The following PRKDC variants were observed in gnomAD, a reference collection of about 807,000 sequenced individuals.
PRKDC encodes protein kinase, DNA-activated, catalytic subunit.
A neutral mutation model predicts 486.9 loss-of-function variants in PRKDC; 82 were observed. That is an observed-to-expected ratio of 0.17 (90% CI 0.14 to 0.20). The LOEUF is 0.20. PRKDC is among the 10% of genes least tolerant of loss of function. PRKDC has a pLI of 1.00. For synonymous variants in PRKDC, 1,895 were observed against 1,837.0 expected (o/e 1.03, Z -0.81); for missense variants, 4,504 against 5,038.2 (o/e 0.89, Z 3.21).
At chr8:47,940,613 C>T (rs1256668134) in intron 10 of PRKDC, among the ~76,000 whole-genome samples, 1 of 152,130 alleles carries the variant, frequency 6.6e-6, no homozygotes, top group Admixed American at 6.5e-5. Context: ...AAATGTTTCT[C>T]AAGAAGTAAA....
At chr8:47,796,756 C>T (rs188777645) in intron 73 of PRKDC, among the ~76,000 whole-genome samples, 67 of 149,640 alleles carry the variant, frequency 4.5e-4, no homozygotes, top group African/African-American at 1.3e-3. Flanking sequence ...CTCGCCACCA[C>T]GCCCGGCTAA....
intron 69 of PRKDC, among the ~76,000 whole-genome samples, chr8:47,804,357 T>C (rs551173627): frequency 1.9e-4 from 29 of 149,724 alleles, no homozygotes; most frequent in African/African-American, 6.4e-4. Context: ...TGGAGTGCAA[T>C]GGCACAATCT....
At chr8:47,899,511 C>T (rs2089641334) in intron 28 of PRKDC, among the ~76,000 whole-genome samples, 1 of 152,082 alleles carries the variant, frequency 6.6e-6, no homozygotes, top group Non-Finnish European at 1.5e-5. Context: ...GGCGTGGTGG[C>T]AGGTCCCTGT....
At chr8:47,913,524 G>C (rs977633980) in intron 24 of PRKDC, among the ~76,000 whole-genome samples, 3 of 151,972 alleles carry the variant, frequency 2.0e-5, no homozygotes, top group African/African-American at 7.3e-5. Context: ...AGCCTACCGA[G>C]TAGCTGAGAC....
chr8:47,779,875 A>ACTGCGC, intron 80 of PRKDC, among the ~76,000 whole-genome samples: 1 of 144,694 alleles, frequency 6.9e-6, no homozygotes, highest in Non-Finnish European at 1.5e-5. Flanking sequence ...GGTGTGAGCC[A>ACTGCGC]CCACGCCTGG....
chr8:47,784,900 A>G (rs567127094), intron 77 of PRKDC, among the ~76,000 whole-genome samples: 2 of 152,358 alleles, frequency 1.3e-5, no homozygotes, highest in Admixed American at 6.5e-5. Context: ...AATCAGAAAT[A>G]TAAGAACTAT....
At chr8:47,794,604 CG>C (rs775337268) in intron 73 of PRKDC, 103 bp from the exon 74 acceptor site, 20 of 1,056,768 alleles carry the variant, frequency 1.9e-5, no homozygotes, top group Non-Finnish European at 2.5e-5. Flanking sequence ...AGTATAAAAA[CG>C]CAAGTACAAA....
intron 73 of PRKDC, among the ~76,000 whole-genome samples, chr8:47,795,223 A>G (rs1358117625): frequency 1.8e-5 from 2 of 113,110 alleles, no homozygotes; most frequent in Non-Finnish European, 3.5e-5. Flanking sequence ...ACAGAGTCTC[A>G]TTGTCACCCA....
chr8:47,886,006 A>G lies in PRKDC; in HGVS notation c.4714T>C (p.Leu1572=), dbSNP rs2089320045. Residue 1572 remains leucine (L), a synonymous_variant, in exon 36 of 86, where the codon TTG becomes CTG. Coordinates refer to ENST00000314191, the MANE Select transcript of PRKDC (RefSeq NM_006904.7). ...LFSETINTEL[L]KNLDLAVLEL... ...AATACAGCAAGATCCAGATTTTTCA[A>G]TAATTCCGTGTTGATCGTTTCTGAG... 1.2e-6 allele frequency: 2 copies of G among 1,613,824 alleles called. No individual in the cohort carries two copies. The highest frequency in any genetic ancestry group is 1.7e-5 in the Admixed American group (1 of 60,008).
In PRKDC at chr8:47,888,734, T is replaced by C. The variant is rs1328551264; in HGVS notation, c.4281-84A>G. 3 of 1,452,032 alleles carry C rather than the reference T, an allele frequency of 2.1e-6. No individual in the cohort carries two copies. The African/African-American group carries it at 4.3e-5, about 21-fold the overall frequency. The allele number at this position is 1,452,032 out of a possible 1,614,324, so 89.9% of individuals were successfully genotyped here. On this transcript the variant is annotated intron_variant, in intron 33 of 85. Transcript: ENST00000314191. ...TACACTGAAAAAAATGTTTGCACTG[T>C]TATGAAGCAAACAGAGGCAACATCT...
intron 59 of PRKDC, among the ~76,000 whole-genome samples, chr8:47,833,068 G>A (rs1357909174): frequency 1.3e-5 from 2 of 152,160 alleles, no homozygotes; most frequent in African/African-American, 2.4e-5. Flanking sequence ...GCTCCCTGCT[G>A]CTGACCCCAT....
chr8:47,808,862 C>A (rs928454061), intron 68 of PRKDC, among the ~76,000 whole-genome samples: 5 of 151,452 alleles, frequency 3.3e-5, no homozygotes, highest in Admixed American at 6.6e-5. Flanking sequence ...CATAGTGATA[C>A]CTCATCTCGA....
rs1399997529 is a variant in PRKDC at position 47,775,461 on chromosome 8, T to A, written c.12183-1084A>T. ...ATCTCGGCTCACTGCAACCTCTGCC[T>A]CCTGGGTTCAAGTGATTCTCCTGCC... On this transcript the variant is annotated intron_variant, in intron 85 of 85. Coordinates refer to ENST00000314191, the MANE Select transcript of PRKDC (RefSeq NM_006904.7). 4.4e-4 allele frequency among the ~76,000 whole-genome samples: 63 copies of A among 141,962 alleles called. 1 individual carries two copies. The allele number at this position is 141,962 out of a possible 152,430, so 93.1% of individuals were successfully genotyped here.
At position 47,854,189 on chromosome 8, in the gene PRKDC, T is replaced by C; in HGVS notation, c.6787A>G (p.Lys2263Glu). ...GAGTTGTCTTTAGAATTAGGATCTT[T>C]ACCGGAAAACTTTTCAAATATTAAC... ...YRLIFEKFSG[K>E]DPNSKDNSVG... The change falls in exon 51 of 86, where the codon AAA (lysine) becomes GAA (glutamate). Residue 2263 changes from lysine (K) to glutamate (E), a missense_variant. By Grantham distance (56) the Lys-to-Glu change is moderately conservative. This residue lies in a region of PRKDC where 1,592 missense variants were observed against 1,724.6 expected (regional missense o/e 0.92). Coordinates refer to ENST00000314191, the MANE Select transcript of PRKDC (RefSeq NM_006904.7). 1 of 1,613,688 alleles carries C rather than the reference T, an allele frequency of 6.2e-7. No individual in the cohort carries two copies. Among genetic ancestry groups the C allele is most frequent in the Non-Finnish European group, 8.5e-7 (1 of 1,179,574 alleles).
At position 47,830,635 on chromosome 8, in the gene PRKDC, G is replaced by GTAACCC; in HGVS notation, c.8366_8367insGGGTTA (p.Ser2789delinsArgGlyTyr). 1 of 1,613,956 alleles carries GTAACCC rather than the reference G, an allele frequency of 6.2e-7. No homozygotes were observed. Among genetic ancestry groups the GTAACCC allele is most frequent in the Non-Finnish European group, 8.5e-7 (1 of 1,179,866 alleles). On this transcript the variant is annotated protein_altering_variant, in exon 61 of 86. Transcript: ENST00000314191. ...CCACGGCCTGTAACGGGGTGATGAG[G>GTAACCC]CTGCTGTGCTTGATCTGAATGTCAG...
At chr8:47,956,977 CCAAAAAAAAAA>C (rs1219397201) in intron 3 of PRKDC, among the ~76,000 whole-genome samples, 183 bp downstream of exon 3, 1 of 11,452 alleles carries the variant, frequency 8.7e-5, no homozygotes, top group Non-Finnish European at 2.1e-4. Context: ...AACTCCTTCT[CCAAAAAAAAAA>C]AAAAAAAAAA....
intron 40 of PRKDC, among the ~76,000 whole-genome samples, chr8:47,875,983 T>C (rs899465859): frequency 1.3e-5 from 2 of 152,154 alleles, no homozygotes; most frequent in Non-Finnish European, 2.9e-5. Context: ...AATATTACGC[T>C]GAACAAAGAA....
chr8:47,912,579 G>A lies in PRKDC; in HGVS notation c.2782-17C>T, dbSNP rs747404213. On this transcript the variant is annotated splice_polypyrimidine_tract_variant and intron_variant, in intron 24 of 85. Coordinates refer to ENST00000314191, the MANE Select transcript of PRKDC (RefSeq NM_006904.7). Reference sequence around the variant, plus strand: ...GGCTGCAACCTAAAACAGACCAGGAGGTCAGCAATGTTTAAGTTATCACGT... The same window carrying A: ...GGCTGCAACCTAAAACAGACCAGGAAGTCAGCAATGTTTAAGTTATCACGT... The A allele has an allele frequency of 2.6e-6, 4 of 1,563,276 alleles. No homozygotes were observed. Among genetic ancestry groups the A allele is most frequent in the South Asian group, 2.4e-5 (2 of 83,214 alleles).
At chr8:47,836,889 A>G (rs1215004177) in intron 57 of PRKDC, among the ~76,000 whole-genome samples, 4 of 152,178 alleles carry the variant, frequency 2.6e-5, no homozygotes, top group Admixed American at 6.5e-5. Context: ...GAGGGGCCCT[A>G]CCCCAGGAGC....
Sources: gnomAD v4.1 joint callset for allele counts (sites outside exome capture counted in the v4.1 genomes callset) on GRCh38, gnomAD v4.1.1 for gene constraint, gnomAD v4.1.1 regional missense constraint, MANE v1.5 for transcripts, NCBI Gene and HGNC (gene_info 2026-07-23, HGNC 2026-07-21) for gene names.